DGKA: variants seen among roughly 807,000 people sequenced by gnomAD.
DGKA encodes diacylglycerol kinase alpha.
DGKA carries 35 observed loss-of-function variants against 105.0 expected under a neutral mutation model. The ratio of observed to expected loss-of-function variants is 0.33; its 90% CI spans 0.25 to 0.44. DGKA has a LOEUF of 0.44. DGKA is among the 20% of genes least tolerant of loss of function. DGKA has a pLI of 1.00. For missense variants in DGKA, 665 were observed against 915.0 expected (o/e 0.73, Z 3.53); for synonymous variants, 296 against 332.0 (o/e 0.89, Z 1.18).
At position 55,953,908 on chromosome 12, in the gene DGKA, C is replaced by A; in HGVS notation, c.*140C>A. On this transcript the variant is annotated 3_prime_UTR_variant, in exon 24 of 24. Transcript: ENST00000331886. The stretch of plus-strand genomic sequence containing the variant: ...CCTTCACCCTCACAGTATTTATTAT[C>A]CTGCACCACCTCACTGTTCCCCATG... The A allele has an allele frequency of 1.4e-6, 1 of 725,248 alleles. No individual in the cohort carries two copies. The highest frequency in any genetic ancestry group is 2.3e-6 in the Non-Finnish European group (1 of 430,584). 44.9% of individuals were successfully genotyped at this position (725,248 alleles called of 1,614,324 possible).
intron 17 of DGKA, among the ~76,000 whole-genome samples, chr12:55,945,674 C>T (rs1163505733): frequency 6.6e-6 from 1 of 152,194 alleles, no homozygotes; most frequent in Admixed American, 6.5e-5. Context: ...CCTGCTTCCA[C>T]AGTCACATCT....
intron 5 of DGKA, 23 bp downstream of exon 5, chr12:55,938,075 G>C (rs747887046): frequency 1.2e-6 from 2 of 1,603,954 alleles, no homozygotes; most frequent in African/African-American, 2.7e-5. Context: ...TCTGAAGTGA[G>C]GTGGCAGGGC....
rs199795969 is a variant in DGKA, at chr12:55,941,557, A to G, written c.1223A>G (p.Asn408Ser). Residue 408 changes from asparagine (N) to serine (S), a missense_variant, in exon 15 of 24, where the codon AAC (asparagine) becomes AGC (serine). Physicochemically the swap from Asn to Ser is conservative, Grantham distance 46. This residue lies in a region of DGKA where 504 missense variants were observed against 681.2 expected (regional missense o/e 0.74). Transcript: ENST00000331886. ...ATATTAAACCCTCGACAGGTGTTCA[A>G]CCTCCTAAAGGATGGTCCTGAGATA... is the stretch of plus-strand genomic sequence containing the variant. ...QYILNPRQVFNLLKDGPEIGL... is the reference protein window; with the variant it reads ...QYILNPRQVFSLLKDGPEIGL... 3.9e-4 allele frequency: 629 copies of G among 1,614,090 alleles called. 6 individuals carry two copies. The South Asian group carries it at 6.0e-3, about 15-fold the overall frequency.
upstream of DGKA, chr12:55,928,200 T>G (rs1369426530): frequency 5.7e-6 from 1 of 175,048 alleles, no homozygotes; most frequent in Non-Finnish European, 1.2e-5. Context: ...GTTCCTCTCC[T>G]CAGGTGTCAA....
rs761756065 is a variant in DGKA at position 55,953,092 on chromosome 12, G to A, written c.1995G>A (p.Met665Ile). 8.1e-6 allele frequency: 13 copies of A among 1,613,986 alleles called. No homozygotes were observed. The highest frequency in any genetic ancestry group is 1.1e-5 in the Non-Finnish European group (13 of 1,180,032). The change falls in exon 22 of 24, where the codon ATG becomes ATA. Residue 665 changes from methionine to isoleucine, a missense_variant. Met to Ile is a conservative substitution (Grantham distance 10). This residue lies in a region of DGKA where 158 missense variants were observed against 213.4 expected (regional missense o/e 0.74). Coordinates refer to ENST00000331886, the MANE Select transcript of DGKA (RefSeq NM_001345.5). ...TTGGGCTGGAGGGTGCAATTGAGAT[G>A]GGCCAAATCTATACCAAGCTCAAGA... The part of the protein sequence containing the change: ...EVVGLEGAIE[M>I]GQIYTKLKNA...
upstream of DGKA, chr12:55,927,883 C>G: frequency 7.5e-7 from 1 of 1,329,870 alleles, no homozygotes; most frequent in Non-Finnish European, 1.0e-6. Context: ...CCCAGACCTC[C>G]TAACCCTGAG....
upstream of DGKA, chr12:55,927,372 C>T (rs925308906): frequency 6.9e-6 from 5 of 720,720 alleles, no homozygotes; most frequent in African/African-American, 8.7e-5. Context: ...AAGAGAAGTT[C>T]CGAGGCACAG....
chr12:55,939,944 G>A lies in DGKA; in HGVS notation c.710-138G>A, dbSNP rs1885548787. ...AGGAAAAGGCGTGGGTTTTGGAGGT[G>A]GGCACTTCACCCCGAACTTTTATTC... On this transcript the variant is annotated intron_variant, in intron 9 of 23. Coordinates refer to ENST00000331886, the MANE Select transcript of DGKA (RefSeq NM_001345.5). The A allele has an allele frequency of 5.4e-6, 4 of 744,544 alleles. No individual in the cohort carries two copies. The Admixed American group carries it at 6.3e-5, about 12-fold the overall frequency. 46.1% of individuals were successfully genotyped at this position (744,544 alleles called of 1,614,324 possible).
chr12:55,937,394 C>A lies in DGKA; in HGVS notation c.139-14C>A. 6 of 1,612,666 alleles carry A rather than the reference C, an allele frequency of 3.7e-6. No homozygotes were observed. The highest frequency in any genetic ancestry group is 4.2e-6 in the Non-Finnish European group (5 of 1,179,096). On this transcript the variant is annotated splice_polypyrimidine_tract_variant and intron_variant, in intron 3 of 23. Transcript: ENST00000331886. Reference sequence around the variant, plus strand: ...CTTGCAGACTCCCCAGGATAATGCTCACTCTCATTATAGGCCATTGGGTAC... The same window carrying A: ...CTTGCAGACTCCCCAGGATAATGCTAACTCTCATTATAGGCCATTGGGTAC...
Position 55,939,086 on chromosome 12 carries a change from T to C in DGKA, c.474+97T>C, listed in dbSNP as rs1885364552. The C allele has an allele frequency of 2.1e-5, 34 of 1,606,494 alleles. No individual in the cohort carries two copies. The South Asian group carries it at 3.6e-4, about 17-fold the overall frequency. ...ATCTCTGACAGGCAACCTGGTTCCC[T>C]TGGCTAGGATGGCTGGGCTGGATAT... On this transcript the variant is annotated intron_variant, in intron 7 of 23. Coordinates refer to ENST00000331886, the MANE Select transcript of DGKA (RefSeq NM_001345.5).
At chr12:55,947,243 C>A (rs1887230741) in intron 17 of DGKA, among the ~76,000 whole-genome samples, 1 of 152,136 alleles carries the variant, frequency 6.6e-6, no homozygotes, top group South Asian at 2.1e-4. Context: ...CCTTGGCCTC[C>A]CAAAGTGCTG....
At chr12:55,936,217 A>T in intron 1 of DGKA, 1 of 587,024 alleles carries the variant, frequency 1.7e-6, no homozygotes, top group South Asian at 3.1e-5. Flanking sequence ...TGAGTCAGAG[A>T]AACAGAGACA....
At chr12:55,928,171 G>C (rs1010837977), upstream of DGKA, 1 of 190,728 alleles carries the variant, frequency 5.2e-6, no homozygotes, top group Non-Finnish European at 1.1e-5. Context: ...CCTACAGCCT[G>C]AGAGGAGCCC....
chr12:55,927,673 C>A, upstream of DGKA: 1 of 1,536,356 alleles, frequency 6.5e-7, no homozygotes, highest in South Asian at 1.2e-5. Context: ...ACTCAACCAC[C>A]AGAGACCCGC....
upstream of DGKA, among the ~76,000 whole-genome samples, chr12:55,930,241 G>A (rs1883332523): frequency 6.6e-6 from 1 of 152,046 alleles, no homozygotes; most frequent in Admixed American, 6.6e-5. Flanking sequence ...TGTATAAAAG[G>A]CCTTCAGAAG....
At chr12:55,947,707 T>C (rs1887315287) in intron 17 of DGKA, among the ~76,000 whole-genome samples, 2 of 152,240 alleles carry the variant, frequency 1.3e-5, no homozygotes, top group African/African-American at 2.4e-5. Flanking sequence ...TACATCTATC[T>C]CTGCGCACAG....
intron 17 of DGKA, among the ~76,000 whole-genome samples, chr12:55,946,258 C>T (rs1801029220): frequency 6.6e-6 from 1 of 151,942 alleles, no homozygotes. Context: ...ACCACCTCTG[C>T]CTCCCAGGTT....
At chr12:55,935,841 G>A in intron 1 of DGKA, 1 of 979,172 alleles carries the variant, frequency 1.0e-6, no homozygotes, top group Non-Finnish European at 1.2e-6. Context: ...CGCGTCAGAA[G>A]CGCTAGAGGT....
chr12:55,938,669 A>T, intron 6 of DGKA, 109 bp downstream of exon 6: 4 of 1,605,894 alleles, frequency 2.5e-6, no homozygotes, highest in Non-Finnish European at 3.4e-6. Flanking sequence ...ATGGGGGGAG[A>T]GGTTGAGTCC....
Sources: gnomAD v4.1 joint callset for allele counts (sites outside exome capture counted in the v4.1 genomes callset) on GRCh38, gnomAD v4.1.1 for gene constraint, gnomAD v4.1.1 regional missense constraint, MANE v1.5 for transcripts, NCBI Gene and HGNC (gene_info 2026-07-23, HGNC 2026-07-21) for gene names.